EDA: variants seen among roughly 807,000 people sequenced by gnomAD.
EDA encodes the protein ectodysplasin A, also known as ectodysplasin-A.
In EDA, 2 loss-of-function variants were observed where a neutral mutation model predicts 23.6. The observed-to-expected ratio is 0.08, with a 90% CI of 0.03 to 0.27. The LOEUF (loss-of-function observed/expected upper bound fraction) is 0.27. EDA is among the 10% of genes least tolerant of loss of function. The pLI, the probability that EDA is intolerant of heterozygous loss-of-function variation, is 1.00. For synonymous variants in EDA, 131 were observed against 132.0 expected (o/e 0.99, Z 0.05); for missense variants, 229 against 324.2 (o/e 0.71, Z 2.26).
At chrX:69,792,361 C>G (rs1363743570) in intron 1 of EDA, among the ~76,000 whole-genome samples, 1 of 111,868 alleles carries the variant, frequency 8.9e-6, no homozygotes, top group Non-Finnish European at 1.9e-5. Flanking sequence ...TCTTTATCCA[C>G]TGGTTTGTCA....
chrX:69,860,929 C>T lies in EDA; in HGVS notation c.397-96098C>T, dbSNP rs139653998. 4,214 of 520,639 alleles carry T rather than the reference C, an allele frequency of 8.1e-3. 108 individuals are homozygous for T. The African/African-American group carries it at 0.086, about 11-fold the overall frequency. The allele number at this position is 520,639 out of a possible 1,213,427, so 42.9% of individuals were successfully genotyped here. ...ACTCTGAAGATCTGTTAAAAGCACA[C>T]GAGTCGTCTCAGTCCCTCAGTGGGA... On this transcript the variant is annotated intron_variant, in intron 1 of 7. Transcript: ENST00000374552.
chrX:69,724,103 A>G (rs1569309009), intron 1 of EDA, among the ~76,000 whole-genome samples: 1 of 112,053 alleles, frequency 8.9e-6, no homozygotes, highest in Non-Finnish European at 1.9e-5. Flanking sequence ...GGTGCTGTGC[A>G]TTGGTGAGGT....
intron 3 of EDA, 74 bp downstream of exon 3, chrX:70,023,315 C>A (rs888517161): frequency 5.9e-6 from 4 of 681,284 alleles, no homozygotes; most frequent in Non-Finnish European, 9.0e-6. Flanking sequence ...ATCAAGAGTG[C>A]GATTTTTGTA....
intron 2 of EDA, among the ~76,000 whole-genome samples, chrX:70,001,301 G>A (rs2019737322): frequency 9.0e-6 from 1 of 111,696 alleles, no homozygotes; most frequent in Non-Finnish European, 1.9e-5. Flanking sequence ...ATGCACAATA[G>A]CACAATAGCT....
At chrX:69,856,298 T>TGTGTGTGTGTG (rs773087260) in intron 1 of EDA, among the ~76,000 whole-genome samples, 3 of 106,267 alleles carry the variant, frequency 2.8e-5, no homozygotes, top group South Asian at 4.2e-4. Flanking sequence ...TGTGTGTGTG[T>TGTGTGTGTGTG]TGCAAATTCT....
At chrX:69,887,404 G>A in intron 1 of EDA, among the ~76,000 whole-genome samples, 1 of 111,683 alleles carries the variant, frequency 9.0e-6, no homozygotes, top group Non-Finnish European at 1.9e-5. Context: ...GAACTAAATG[G>A]CGCTAAAGAA....
intron 1 of EDA, among the ~76,000 whole-genome samples, chrX:69,777,444 A>G (rs1400009989): frequency 9.0e-6 from 1 of 111,247 alleles, no homozygotes; most frequent in Admixed American, 9.7e-5. Context: ...TGGGGGTTAG[A>G]AGTTACCACC....
chrX:70,000,086 A>G (rs1467229261), intron 2 of EDA, among the ~76,000 whole-genome samples: 1 of 112,407 alleles, frequency 8.9e-6, no homozygotes, highest in Non-Finnish European at 1.9e-5. Context: ...ATTCTCTAAT[A>G]TGATAAAGAA....
chrX:69,992,961 G>T (rs907823050), intron 2 of EDA, among the ~76,000 whole-genome samples: 2 of 110,747 alleles, frequency 1.8e-5, no homozygotes, highest in Admixed American at 9.6e-5. Flanking sequence ...CCTTTAGTCT[G>T]TGTCTGTGAC....
chrX:70,029,664 G>C, intron 5 of EDA, 126 bp downstream of exon 5: 1 of 727,695 alleles, frequency 1.4e-6, no homozygotes, highest in Non-Finnish European at 2.1e-6. Context: ...GATTCTGACG[G>C]TTTTCACTCA....
intron 1 of EDA, among the ~76,000 whole-genome samples, chrX:69,696,842 A>G (rs1219486504): frequency 8.9e-6 from 1 of 112,685 alleles, no homozygotes; most frequent in Non-Finnish European, 1.9e-5. Flanking sequence ...CAAGATGCCA[A>G]AATATGTGTA....
intron 2 of EDA, among the ~76,000 whole-genome samples, chrX:69,987,598 GA>G (rs2019521224): frequency 1.1e-5 from 1 of 93,934 alleles, no homozygotes; most frequent in Admixed American, 1.1e-4. Context: ...AACACTCTAA[GA>G]AAAGCCTGTT....
intron 1 of EDA, among the ~76,000 whole-genome samples, chrX:69,808,745 A>T (rs2015872570): frequency 8.9e-6 from 1 of 112,332 alleles, no homozygotes; most frequent in Admixed American, 9.4e-5. Flanking sequence ...GACAAACTGC[A>T]ACTGAGAGGC....
chrX:69,851,827 C>T (rs1346627545), intron 1 of EDA, among the ~76,000 whole-genome samples: 1 of 111,674 alleles, frequency 9.0e-6, no homozygotes, highest in African/African-American at 3.2e-5. Flanking sequence ...TGCAGATTCC[C>T]AGCCACATCC....
At chrX:69,747,422 G>A (rs2804372) in intron 1 of EDA, among the ~76,000 whole-genome samples, 37,603 of 111,737 alleles carry the variant, frequency 0.34, 5,235 homozygotes, top group Middle Eastern at 0.58. Context: ...AGGCCAGATT[G>A]TGCAGATTGG....
intron 1 of EDA, among the ~76,000 whole-genome samples, chrX:69,809,638 A>G (rs2015897522): frequency 9.0e-6 from 1 of 111,525 alleles, no homozygotes; most frequent in African/African-American, 3.3e-5. Context: ...AACTCCCCGA[A>G]TAGTATAAGA....
intron 2 of EDA, among the ~76,000 whole-genome samples, chrX:69,998,737 T>A (rs1335511458): frequency 8.9e-6 from 1 of 111,734 alleles, no homozygotes; most frequent in Non-Finnish European, 1.9e-5. Flanking sequence ...TCCCCCATAC[T>A]GTTCTCATGG....
intron 1 of EDA, among the ~76,000 whole-genome samples, chrX:69,769,606 C>T (rs755717996): frequency 9.7e-4 from 107 of 110,680 alleles, no homozygotes; most frequent in Non-Finnish European, 1.6e-3. Flanking sequence ...TTCTTCTTTT[C>T]CTGACTTCTT....
At chrX:69,978,479 G>T (rs1239054805) in intron 2 of EDA, among the ~76,000 whole-genome samples, 2 of 97,888 alleles carry the variant, frequency 2.0e-5, no homozygotes, top group African/African-American at 7.5e-5. Flanking sequence ...CTCCATCCTG[G>T]GTGACAGAGC....
Sources: gnomAD v4.1 joint callset for allele counts (sites outside exome capture counted in the v4.1 genomes callset) on GRCh38, gnomAD v4.1.1 for gene constraint, MANE v1.5 for transcripts, NCBI Gene and HGNC (gene_info 2026-07-23, HGNC 2026-07-21) for gene names.